Variants in SSR1 observed in about 807,000 individuals in gnomAD.
SSR1 encodes translocon-associated protein subunit alpha.
Under a neutral mutation model 36.1 loss-of-function variants are expected in SSR1, and 13 were observed. The ratio of observed to expected loss-of-function variants is 0.36; its 90% confidence interval spans 0.23 to 0.57. The LOEUF is 0.57. Ranked by LOEUF, SSR1 falls within the 20% of genes least tolerant of loss-of-function variation. SSR1 has a pLI of 0.81. For synonymous variants in SSR1, 113 were observed against 118.9 expected, an observed-to-expected ratio of 0.95 and a Z score of 0.32; for missense variants, 291 against 338.5, an observed-to-expected ratio of 0.86 and a Z score of 1.10.
At chr6:7,295,200 T>G (rs1297892250) in intron 7 of SSR1, 192 bp downstream of exon 7, 2 of 1,353,814 alleles carry the variant, frequency 1.5e-6, no homozygotes, top group Non-Finnish European at 2.0e-6. Flanking sequence ...ATTTCCAAAT[T>G]AAAGCATAAG....
In SSR1 at chr6:7,313,153, G is replaced by C. The variant is rs777574557; in HGVS notation, c.-33C>G. ...CCGGTCCAGTGTCCAGTTTCCGTCG[G>C]CTAAGGCTCTCGGCGGCTCCGGCGG... On this transcript the variant is annotated 5_prime_UTR_variant, in exon 1 of 8. Transcript: ENST00000244763. 3.8e-6 allele frequency: 6 copies of C among 1,579,096 alleles called. No homozygotes were observed. In the African/African-American group the frequency reaches 8.2e-5, roughly 22 times the overall value.
intron 5 of SSR1, 116 bp downstream of exon 5, chr6:7,298,631 C>T: frequency 2.9e-6 from 2 of 688,916 alleles, no homozygotes; most frequent in Non-Finnish European, 2.4e-6. Flanking sequence ...AGGATTTCAC[C>T]AAATCTATAC....
chr6:7,303,221 G>A (rs1757979135), intron 3 of SSR1, among the ~76,000 whole-genome samples: 1 of 149,366 alleles, frequency 6.7e-6, no homozygotes, highest in African/African-American at 2.5e-5. Flanking sequence ...ATCTTTCTCA[G>A]GAGGCTGAGG....
chr6:7,295,404 A>G lies in SSR1; in HGVS notation c.781T>C (p.Leu261=), dbSNP rs143775239. 3.1e-6 allele frequency: 5 copies of G among 1,610,854 alleles called. No homozygotes were observed. The African/African-American group carries it at 4.0e-5, about 13-fold the overall frequency. ...VDMSWIPQET[L]NQINKASPRR... ...TAAGACTACTTACTGATTTGATTCA[A>G]TGTTTCCTGAGGAATCCAACTCATG... Residue 261 remains leucine, a synonymous_variant, in exon 7 of 8, where the codon TTG becomes CTG. Transcript: ENST00000244763.
intron 2 of SSR1, 95 bp downstream of exon 2, chr6:7,309,822 T>G: frequency 9.6e-7 from 1 of 1,041,000 alleles, no homozygotes; most frequent in Non-Finnish European, 1.5e-6. Flanking sequence ...CCTTTATAAA[T>G]TACCCAGTCT....
intron 2 of SSR1, 136 bp from the exon 3 acceptor site, chr6:7,303,773 G>T: frequency 1.7e-6 from 1 of 589,560 alleles, no homozygotes; most frequent in Non-Finnish European, 2.9e-6. Flanking sequence ...ATCACCTGAA[G>T]TCAGGAGCTC....
At chr6:7,306,932 G>A (rs1581636783) in intron 2 of SSR1, among the ~76,000 whole-genome samples, 2 of 145,666 alleles carry the variant, frequency 1.4e-5, no homozygotes, top group Admixed American at 6.8e-5. Context: ...TGGGGGGGTG[G>A]GGGAAAGCCC....
intron 7 of SSR1, 199 bp downstream of exon 7, chr6:7,295,190 ATTT>A (rs1757765504): frequency 7.1e-7 from 1 of 1,405,282 alleles, no homozygotes; most frequent in Admixed American, 2.6e-5. Flanking sequence ...ATCTGGAAGA[ATTT>A]CCAAATTAAA....
At chr6:7,309,629 C>G (rs1457211080) in intron 2 of SSR1, among the ~76,000 whole-genome samples, 1 of 152,148 alleles carries the variant, frequency 6.6e-6, no homozygotes, top group Non-Finnish European at 1.5e-5. Context: ...ATGCTGTTCT[C>G]GTGAAAGTGA....
chr6:7,299,363 T>A (rs185488270), intron 4 of SSR1, among the ~76,000 whole-genome samples: 18 of 152,326 alleles, frequency 1.2e-4, no homozygotes, highest in African/African-American at 4.3e-4. Flanking sequence ...AAGCAGGTCA[T>A]TTTAAGAACT....
chr6:7,300,254 G>T (rs1169543125), intron 4 of SSR1, among the ~76,000 whole-genome samples: 1 of 152,184 alleles, frequency 6.6e-6, no homozygotes, highest in East Asian at 1.9e-4. Context: ...CCAGGGTAAT[G>T]AAAAGGTTGA....
chr6:7,306,390 G>A (rs574782073), intron 2 of SSR1, among the ~76,000 whole-genome samples: 27 of 151,706 alleles, frequency 1.8e-4, no homozygotes, highest in Non-Finnish European at 3.7e-4. Context: ...TGATCCACCC[G>A]CCTCAGCCTC....
rs1055423039 is a variant in SSR1, at chr6:7,285,560, T to A, written c.*4304A>T. The stretch of plus-strand genomic sequence containing the variant: ...CCAGGCCTGTGGTGTGCGCCTGTGG[T>A]CCCAAATACTTGGAAAGCTGAAGCA... On this transcript the variant is annotated 3_prime_UTR_variant, in exon 8 of 8. Coordinates refer to ENST00000244763, the MANE Select transcript of SSR1 (RefSeq NM_003144.5). This position sits in a 1 kb window ranked among gnomAD's most constrained non-coding sequence, Gnocchi z 4.1. 2 of 152,058 alleles carry A rather than the reference T, an allele frequency of 1.3e-5. No homozygotes were observed. The highest frequency in any genetic ancestry group is 3.9e-4 in the East Asian group (2 of 5,164). 9.4% of individuals were successfully genotyped at this position (152,058 alleles called of 1,614,324 possible).
intron 7 of SSR1, 126 bp from the exon 8 acceptor site, chr6:7,290,057 A>G: frequency 1.6e-6 from 1 of 641,880 alleles, no homozygotes; most frequent in Non-Finnish European, 2.5e-6. Context: ...AACACCATCT[A>G]ATAATGAATG....
chr6:7,312,308 C>T (rs796683514), intron 1 of SSR1, among the ~76,000 whole-genome samples: 11 of 152,224 alleles, frequency 7.2e-5, no homozygotes, highest in African/African-American at 2.2e-4. Context: ...ATTTTTTCAG[C>T]ACAATACGAT....
intron 1 of SSR1, among the ~76,000 whole-genome samples, chr6:7,311,920 T>A (rs1053611833): frequency 2.6e-5 from 4 of 152,090 alleles, no homozygotes; most frequent in African/African-American, 9.7e-5. Context: ...GCTTAAAGAG[T>A]ACCAGCAAAC....
intron 2 of SSR1, among the ~76,000 whole-genome samples, chr6:7,309,438 G>A (rs923847177): frequency 1.3e-5 from 2 of 152,188 alleles, no homozygotes; most frequent in Non-Finnish European, 2.9e-5. Context: ...CTCCAGCCTG[G>A]GGAACAGAGC....
intron 2 of SSR1, among the ~76,000 whole-genome samples, chr6:7,305,497 C>G (rs1561834489): frequency 6.6e-6 from 1 of 152,166 alleles, no homozygotes. Context: ...CAAGAAGCCA[C>G]CGGTCTTGGT....
intron 6 of SSR1, chr6:7,297,079 G>C (rs1375650536): frequency 3.3e-6 from 1 of 304,714 alleles, no homozygotes; most frequent in Non-Finnish European, 6.6e-6. Flanking sequence ...AAATTAGCTG[G>C]GTGTGGTGGC....
Sources: gnomAD v4.1 joint callset for allele counts (sites outside exome capture counted in the v4.1 genomes callset) on GRCh38, gnomAD v4.1.1 for gene constraint, Gnocchi (gnomAD v3.1) non-coding constraint, MANE v1.5 for transcripts, NCBI Gene and HGNC (gene_info 2026-07-23, HGNC 2026-07-21) for gene names.